The following MRTFB variants were observed in gnomAD, a reference collection of about 807,000 sequenced individuals.
MRTFB encodes the protein myocardin related transcription factor B.
A neutral mutation model predicts 104.2 loss-of-function variants in MRTFB; 29 were observed. The observed-to-expected ratio is 0.28, with a 90% confidence interval of 0.21 to 0.38. The LOEUF is 0.38. MRTFB is among the 10% of genes least tolerant of loss of function. The pLI, the probability that MRTFB is intolerant of heterozygous loss-of-function variation, is 1.00. For synonymous variants in MRTFB, 535 were observed against 519.5 expected, an observed-to-expected ratio of 1.03 and a Z score of -0.41; for missense variants, 1,270 against 1,341.6, an observed-to-expected ratio of 0.95 and a Z score of 0.83.
the MRTFB span, among the ~76,000 whole-genome samples, chr16:14,024,557 A>C: frequency 1.3e-5 from 2 of 152,232 alleles, no homozygotes; most frequent in African/African-American, 4.8e-5. Context: ...TTCACTTCTC[A>C]GAAAATGCCT....
the MRTFB span, among the ~76,000 whole-genome samples, chr16:14,044,529 A>T: frequency 1.3e-5 from 2 of 152,316 alleles, 1 homozygote; most frequent in South Asian, 4.1e-4. Context: ...TGTCTGCTAT[A>T]ATCTGGAGAA....
At chr16:14,178,711 G>T (rs1211814590) in intron 3 of MRTFB, among the ~76,000 whole-genome samples, 1 of 152,064 alleles carries the variant, frequency 6.6e-6, no homozygotes, top group Non-Finnish European at 1.5e-5. Flanking sequence ...TGACTTAGTT[G>T]GGCTTTTCAG....
chr16:14,080,659 C>A (rs1192449875), intron 2 of MRTFB, among the ~76,000 whole-genome samples: 2 of 152,152 alleles, frequency 1.3e-5, no homozygotes, highest in African/African-American at 2.4e-5. Flanking sequence ...CCCCCACCTG[C>A]CCCCGACCTT....
chr16:14,229,204 CACTT>C (rs1281396754), intron 8 of MRTFB, among the ~76,000 whole-genome samples: 35 of 152,256 alleles, frequency 2.3e-4, no homozygotes, highest in Admixed American at 9.2e-4. Context: ...TTTTAATATT[CACTT>C]ACTTATTCTA....
At chr16:14,232,784 T>C (rs2042322957) in intron 8 of MRTFB, among the ~76,000 whole-genome samples, 1 of 152,246 alleles carries the variant, frequency 6.6e-6, no homozygotes, top group South Asian at 2.1e-4. Context: ...TTAACTAGTA[T>C]GTGCCAAGCT....
chr16:14,256,720 C>T (rs1249974147), intron 15 of MRTFB, among the ~76,000 whole-genome samples: 1 of 152,206 alleles, frequency 6.6e-6, no homozygotes, highest in Non-Finnish European at 1.5e-5. Flanking sequence ...GAAGCCAGAA[C>T]CACCCATCAA....
the MRTFB span, among the ~76,000 whole-genome samples, chr16:14,004,281 C>A: frequency 3.9e-3 from 597 of 152,300 alleles, 5 homozygotes; most frequent in African/African-American, 0.014. Flanking sequence ...AGCCGCCCAT[C>A]CTGTTCCATG....
intron 10 of MRTFB, chr16:14,240,896 T>TA (rs1281349928): frequency 1.6e-6 from 1 of 616,594 alleles, no homozygotes; most frequent in Non-Finnish European, 2.9e-6. Context: ...AGGATCTTTG[T>TA]ATATAGAAGG....
intron 14 of MRTFB, 144 bp downstream of exon 14, chr16:14,252,167 C>T: frequency 8.2e-7 from 1 of 1,219,754 alleles, no homozygotes; most frequent in Non-Finnish European, 1.1e-6. Flanking sequence ...AGGAGGAGCT[C>T]AGCTATTATC....
the MRTFB span, among the ~76,000 whole-genome samples, chr16:14,038,876 T>C: frequency 7.2e-5 from 11 of 152,114 alleles, no homozygotes; most frequent in Admixed American, 7.2e-4. Context: ...CTCACAATCA[T>C]GGCAGAAGGC....
At chr16:14,041,499 G>A in the MRTFB span, among the ~76,000 whole-genome samples, 2 of 152,080 alleles carry the variant, frequency 1.3e-5, no homozygotes, top group African/African-American at 2.4e-5. Flanking sequence ...GTAGCATCTC[G>A]TTTTCTGAGG....
intron 3 of MRTFB, among the ~76,000 whole-genome samples, chr16:14,198,645 C>T (rs547986969): frequency 6.6e-6 from 1 of 152,304 alleles, no homozygotes; most frequent in Non-Finnish European, 1.5e-5. Flanking sequence ...CCTTCACTGG[C>T]CTCAAAATTA....
At chr16:14,105,553 G>A (rs953075608) in intron 2 of MRTFB, among the ~76,000 whole-genome samples, 5 of 151,854 alleles carry the variant, frequency 3.3e-5, no homozygotes, top group African/African-American at 7.3e-5. Context: ...ACGTGCTACC[G>A]TACCCAGCTA....
chr16:14,173,315 T>C (rs2039482115), intron 3 of MRTFB, among the ~76,000 whole-genome samples: 1 of 152,244 alleles, frequency 6.6e-6, no homozygotes, highest in Admixed American at 6.5e-5. Context: ...GAAACTGACA[T>C]CTTTATGATG....
At chr16:14,204,805 G>A (rs1395483657) in intron 3 of MRTFB, among the ~76,000 whole-genome samples, 1 of 152,118 alleles carries the variant, frequency 6.6e-6, no homozygotes, top group East Asian at 1.9e-4. Context: ...AATACGTGAG[G>A]AAATTAGTCT....
At chr16:14,092,579 C>A (rs1259479462) in intron 2 of MRTFB, 1 of 152,046 alleles carries the variant, frequency 6.6e-6, no homozygotes, top group African/African-American at 2.4e-5. Flanking sequence ...TGCTGACAGT[C>A]CTGCCAATGA....
chr16:14,016,176 T>C, the MRTFB span, among the ~76,000 whole-genome samples: 2 of 152,068 alleles, frequency 1.3e-5, no homozygotes. Context: ...TAAATTTAGA[T>C]CAAATGAAGG....
At chr16:14,209,510 C>T (rs1733366025) in intron 3 of MRTFB, among the ~76,000 whole-genome samples, 1 of 151,996 alleles carries the variant, frequency 6.6e-6, no homozygotes, top group Non-Finnish European at 1.5e-5. Flanking sequence ...TATGTAGATG[C>T]TTATAAAAGG....
At chr16:14,070,133 A>C (rs2033602379), upstream of MRTFB, among the ~76,000 whole-genome samples, 2 of 152,142 alleles carry the variant, frequency 1.3e-5, no homozygotes, top group South Asian at 4.1e-4. Flanking sequence ...GGCTACCTAG[A>C]ACCTCCAGGG....
Sources: gnomAD v4.1 joint callset for allele counts (sites outside exome capture counted in the v4.1 genomes callset) on GRCh38, gnomAD v4.1.1 for gene constraint, MANE v1.5 for transcripts, NCBI Gene and HGNC (gene_info 2026-07-23, HGNC 2026-07-21) for gene names.